The following TCP11 variants were observed in gnomAD, a reference collection of about 807,000 sequenced individuals.
TCP11 encodes T-complex protein 11 homolog.
A neutral mutation model predicts 45.0 loss-of-function variants in TCP11; 34 were observed. The ratio of observed to expected loss-of-function variants is 0.76; its 90% CI spans 0.57 to 1.01. The LOEUF is 1.01. Ranked by LOEUF, TCP11 falls within the 50% of genes least tolerant of loss-of-function variation. The pLI is 0.00. For synonymous variants in TCP11, 227 were observed against 227.0 expected (o/e 1.00, Z 0.00); for missense variants, 523 against 598.1 (o/e 0.87, Z 1.31).
rs745370239 is a variant in TCP11, at chr6:35,120,317, C to G, written c.957G>C (p.Arg319=). The G allele has an allele frequency of 1.2e-6, 2 of 1,614,066 alleles. No individual in the cohort carries two copies. The highest frequency in any genetic ancestry group is 2.2e-5 in the South Asian group (2 of 91,062). ...FPETLLMDRT[R]LQELKSQLHQ... ...GCAACTGGGACTTCAGCTCCTGCAG[C>G]CGGGTTCTGTCCATCAGCAGGGTCT... The change falls in exon 8 of 10, where the codon CGG becomes CGC. Residue 319 remains arginine, a synonymous_variant. Transcript: ENST00000311875. This position sits in a 1 kb window ranked among gnomAD's most constrained non-coding sequence, Gnocchi z 4.9.
chr6:35,119,710 T>C (rs1323084624), intron 8 of TCP11, among the ~76,000 whole-genome samples: 2 of 152,254 alleles, frequency 1.3e-5, no homozygotes, highest in African/African-American at 4.8e-5. Flanking sequence ...TTTAGTCCCA[T>C]GGACTTTATT....
chr6:35,125,131 C>A (rs1375845951), intron 4 of TCP11, among the ~76,000 whole-genome samples: 1 of 148,898 alleles, frequency 6.7e-6, no homozygotes, highest in Non-Finnish European at 1.5e-5. Context: ...ATTGCAGTGG[C>A]CAAGATCGCA....
chr6:35,131,246 C>G (rs914333769), intron 3 of TCP11, among the ~76,000 whole-genome samples: 6 of 152,030 alleles, frequency 3.9e-5, no homozygotes, highest in Non-Finnish European at 8.8e-5. Flanking sequence ...ACACTCCAGC[C>G]TGGGCAACAG....
intron 4 of TCP11, among the ~76,000 whole-genome samples, chr6:35,124,150 CATTT>C (rs1295133296): frequency 6.6e-6 from 1 of 152,128 alleles, no homozygotes; most frequent in East Asian, 1.9e-4. Context: ...CTTTGACATT[CATTT>C]GAGTGATTTT....
chr6:35,129,096 C>A lies in TCP11; in HGVS notation c.323G>T (p.Ser108Ile), dbSNP rs866816400. 1.2e-5 allele frequency: 19 copies of A among 1,614,126 alleles called. 2 individuals carry two copies. The Middle Eastern group carries it at 3.1e-3, about 266-fold the overall frequency. The change falls in exon 4 of 10, where the codon AGC becomes ATC. Residue 108 changes from serine (S) to isoleucine (I), a missense_variant. Physicochemically the swap from Ser to Ile is moderately radical, Grantham distance 142 (BLOSUM62 -2). Around this residue, in one of 2 missense-constraint regions of TCP11, gnomAD observed 225 missense variants for 210.2 expected, o/e 1.07. Coordinates refer to ENST00000311875, the MANE Select transcript of TCP11 (RefSeq NM_001370687.1). ...TTCTTTCAGAAGTTCAAGAGCACAGCTGAAGTCAGGGGGAGTTGCTGATAG... is the reference window on the plus strand; with the variant it reads ...TTCTTTCAGAAGTTCAAGAGCACAGATGAAGTCAGGGGGAGTTGCTGATAG... Reference protein sequence around the residue: ...EQLSATPPDFSCALELLKEIK... With the variant: ...EQLSATPPDFICALELLKEIK...
intron 3 of TCP11, among the ~76,000 whole-genome samples, chr6:35,129,871 C>A (rs987581750): frequency 1.3e-4 from 20 of 152,220 alleles, no homozygotes; most frequent in African/African-American, 4.8e-4. Flanking sequence ...ACCTCCCACG[C>A]GCAAGCAAAT....
At position 35,140,866 on chromosome 6, in the gene TCP11, G is replaced by A; in HGVS notation, c.5C>T (p.Pro2Leu). 6.3e-7 allele frequency: 1 copy of A among 1,578,434 alleles called. No homozygotes were observed. Among genetic ancestry groups the A allele is most frequent in the Non-Finnish European group, 8.6e-7 (1 of 1,165,294 alleles). M[P>L]DVKESVPPKY... ...CGGGGGCACACTCTCCTTGACGTCT[G>A]GCATTTTGCTGATGGTATCTGGGTG... The change falls in exon 2 of 10, where the codon CCA (proline) becomes CTA (leucine). Residue 2 changes from proline (P) to leucine (L), a missense_variant. By Grantham distance (98) the Pro-to-Leu change is moderately conservative. This residue lies in a region of TCP11 where 225 missense variants were observed against 210.2 expected (regional missense o/e 1.07). Transcript: ENST00000311875.
intron 2 of TCP11, 60 bp downstream of exon 2, chr6:35,140,687 G>A (rs1020797865): frequency 4.1e-6 from 4 of 969,696 alleles, no homozygotes; most frequent in Admixed American, 2.1e-5. Flanking sequence ...GGGGGGGCCT[G>A]CGGACCCCCC....
In TCP11 at chr6:35,118,449, C is replaced by T; in HGVS notation, c.1332G>A (p.Arg444=). The change falls in exon 10 of 10, where the codon CGG becomes CGA. Residue 444 remains arginine, a synonymous_variant. Transcript: ENST00000311875. ...LKCCLVLGVQ[R]SLLDLPGGLT... The stretch of plus-strand genomic sequence containing the variant: ...GGCCTCCAGGAAGGTCTAATAGAGA[C>T]CGCTGCACACCAAGAACCAAACAGC... 6.2e-7 allele frequency: 1 copy of T among 1,614,060 alleles called. No individual in the cohort carries two copies. The highest frequency in any genetic ancestry group is 1.7e-5 in the Admixed American group (1 of 60,002).
intron 4 of TCP11, among the ~76,000 whole-genome samples, chr6:35,127,002 G>C (rs1779900501): frequency 6.6e-6 from 1 of 152,000 alleles, no homozygotes; most frequent in Non-Finnish European, 1.5e-5. Context: ...CAGAATACAT[G>C]GGTCCAGGAA....
intron 3 of TCP11, among the ~76,000 whole-genome samples, chr6:35,131,877 C>T (rs1259060652): frequency 2.0e-5 from 3 of 152,156 alleles, no homozygotes; most frequent in African/African-American, 7.2e-5. Flanking sequence ...GCTGGGATTA[C>T]AGGGATGAAC....
In TCP11 at chr6:35,120,657, T is replaced by C; in HGVS notation, c.716-11A>G. The C allele has an allele frequency of 6.2e-7, 1 of 1,610,566 alleles. No homozygotes were observed. Among genetic ancestry groups the C allele is most frequent in the Non-Finnish European group, 8.5e-7 (1 of 1,178,450 alleles). ...TGTGATTAAGGAGACCTATGACAGG[T>C]AAGGGAGTGTGTAAGCATCTTTAGC... On this transcript the variant is annotated splice_polypyrimidine_tract_variant and intron_variant, in intron 6 of 9. Transcript: ENST00000311875. This position sits in a 1 kb window ranked among gnomAD's most constrained non-coding sequence, Gnocchi z 4.9.
At chr6:35,139,101 T>C (rs1053267788) in intron 2 of TCP11, among the ~76,000 whole-genome samples, 4 of 151,832 alleles carry the variant, frequency 2.6e-5, no homozygotes, top group Non-Finnish European at 5.9e-5. Flanking sequence ...GGCAGGAGAA[T>C]CGCTTGAACC....
At position 35,119,289 on chromosome 6, in the gene TCP11, T is replaced by C; in HGVS notation, c.1218A>G (p.Ala406=). The change falls in exon 9 of 10, where the codon GCA becomes GCG. Residue 406 remains alanine (A), a synonymous_variant. Coordinates refer to ENST00000311875, the MANE Select transcript of TCP11 (RefSeq NM_001370687.1). The part of the protein sequence containing the change: ...GLVALSSDNT[A]SLMGQLQNIA... ...TGTTCTGGAGCTGTCCCATTAGAGA[T>C]GCTGTATTATCACTGCTTAGAGCAA... The C allele has an allele frequency of 6.2e-7, 1 of 1,614,210 alleles. No homozygotes were observed. The highest frequency in any genetic ancestry group is 1.1e-5 in the South Asian group (1 of 91,080).
intron 4 of TCP11, 169 bp downstream of exon 4, chr6:35,128,891 AAT>A: frequency 1.2e-6 from 1 of 813,982 alleles, no homozygotes; most frequent in Non-Finnish European, 1.8e-6. Context: ...TCTCTGTTAT[AAT>A]AATTTTTATA....
Position 35,122,179 on chromosome 6 carries a change from T to A in TCP11, c.516A>T (p.Ala172=). ...YVLNMMALLC[A]PVRDEAVQKL... ...TCTGCACTGCTTCATCTCGAACTGG[T>A]GCACACAGCAAAGCCATCATGTTGA... Residue 172 remains alanine, a synonymous_variant, in exon 5 of 10, where the codon GCA becomes GCT. Transcript: ENST00000311875. 6.2e-7 allele frequency: 1 copy of A among 1,614,164 alleles called. No homozygotes were observed. Among genetic ancestry groups the A allele is most frequent in the Non-Finnish European group, 8.5e-7 (1 of 1,180,028 alleles).
intron 3 of TCP11, 87 bp from the exon 4 acceptor site, chr6:35,129,269 A>G: frequency 6.7e-7 from 1 of 1,490,584 alleles, no homozygotes; most frequent in Non-Finnish European, 9.0e-7. Flanking sequence ...ACTGAATTTG[A>G]TATGGTAAAA....
intron 3 of TCP11, among the ~76,000 whole-genome samples, chr6:35,134,236 T>G (rs557741677): frequency 6.6e-6 from 1 of 150,950 alleles, no homozygotes; most frequent in Non-Finnish European, 1.5e-5. Flanking sequence ...CAAAATGGCA[T>G]AGTATCGCAT....
chr6:35,118,599 A>AT, intron 9 of TCP11, 98 bp from the exon 10 acceptor site: 7 of 1,115,886 alleles, frequency 6.3e-6, no homozygotes, highest in Non-Finnish European at 8.9e-6. Flanking sequence ...AAGTTAACAG[A>AT]TATGTACCAA....
Sources: allele counts gnomAD v4.1 joint callset (sites outside exome capture counted in the v4.1 genomes callset), GRCh38; gene constraint gnomAD v4.1.1; regional missense constraint gnomAD v4.1.1; non-coding constraint Gnocchi (gnomAD v3.1); transcripts MANE v1.5; gene names NCBI Gene and HGNC (gene_info 2026-07-23, HGNC 2026-07-21).